The following PDE4D variants were observed in gnomAD, a reference collection of about 807,000 sequenced individuals.
The protein encoded by PDE4D is phosphodiesterase 4D, also known as 3',5'-cyclic-AMP phosphodiesterase 4D.
In PDE4D, 24 loss-of-function variants were observed where a neutral mutation model predicts 87.4. That is an observed-to-expected ratio of 0.27 (90% CI 0.20 to 0.39). The LOEUF (loss-of-function observed/expected upper bound fraction) is 0.39, where lower values mean the gene tolerates loss of function less well. Among genes scored for constraint, PDE4D ranks in the 10% least tolerant of loss-of-function variants. The pLI is 1.00. For synonymous variants in PDE4D, 384 were observed against 383.2 expected (o/e 1.00, Z -0.02); for missense variants, 714 against 1,041.0 (o/e 0.69, Z 4.32).
At position 59,702,246 on chromosome 5, in the gene PDE4D, C is replaced by A. The variant is rs1752681990; in HGVS notation, c.455+190922G>T. ...TCACGTCATTCTCCTGCCTCAGCCT[C>A]TCAAGCAGCTGGGACTACAGGTGCC... On this transcript the variant is annotated intron_variant, in intron 1 of 14. Coordinates refer to ENST00000340635, the MANE Select transcript of PDE4D (RefSeq NM_001104631.2). Among the ~76,000 whole-genome samples the A allele has an allele frequency of 2.0e-5, 3 of 152,114 alleles. No individual in the cohort carries two copies. In the South Asian group the frequency reaches 6.2e-4, roughly 32 times the overall value.
At chr5:59,320,889 A>G (rs1031123437) in intron 1 of PDE4D, among the ~76,000 whole-genome samples, 2 of 152,060 alleles carry the variant, frequency 1.3e-5, no homozygotes, top group African/African-American at 4.8e-5. Context: ...TATTTGTTGA[A>G]GCTTTTTGTT....
intron 1 of PDE4D, among the ~76,000 whole-genome samples, chr5:59,417,538 C>T (rs1459589261): frequency 1.4e-5 from 2 of 144,318 alleles, no homozygotes; most frequent in East Asian, 4.0e-4. Context: ...AAGCTGTTAC[C>T]TTTTTTTTTT....
At chr5:60,210,399 C>A (rs1743058961) in intron 1 of PDE4D, among the ~76,000 whole-genome samples, 1 of 151,802 alleles carries the variant, frequency 6.6e-6, no homozygotes, top group Non-Finnish European at 1.5e-5. Context: ...ATAAAGAAAG[C>A]AGCCTCATTA....
intron 1 of PDE4D, chr5:59,586,619 T>TTTAG (rs1825184529): frequency 8.1e-7 from 1 of 1,238,780 alleles, no homozygotes; most frequent in Non-Finnish European, 1.0e-6. Flanking sequence ...GGTCCATCCA[T>TTTAG]TTAGGTTCCA....
intron 1 of PDE4D, among the ~76,000 whole-genome samples, chr5:60,312,124 T>C (rs1241790480): frequency 6.6e-6 from 1 of 152,180 alleles, no homozygotes; most frequent in African/African-American, 2.4e-5. Flanking sequence ...ATTCACAGTA[T>C]CAGATGGATC....
In PDE4D at chr5:59,637,568, TA is replaced by T. The variant is rs1393028062; in HGVS notation, c.455+255599del. Among the ~76,000 whole-genome samples, 988 of 140,988 alleles carry T rather than the reference TA, an allele frequency of 7.0e-3. 6 individuals carry two copies. The highest frequency in any genetic ancestry group is 0.022 in the East Asian group (109 of 4,872). The allele number at this position is 140,988 out of a possible 152,430, so 92.5% of individuals were successfully genotyped here. On this transcript the variant is annotated intron_variant, in intron 1 of 14. Coordinates refer to ENST00000340635, the MANE Select transcript of PDE4D (RefSeq NM_001104631.2). ...TACACCATGGAATACTTTGCAGACA[TA>T]AAAAAAAAAAAATGAGTTCATGTCC...
At chr5:59,308,146 G>A (rs1771794858) in intron 1 of PDE4D, among the ~76,000 whole-genome samples, 1 of 150,648 alleles carries the variant, frequency 6.6e-6, no homozygotes, top group South Asian at 2.1e-4. Context: ...TCACTCATAG[G>A]TGGGAATTGA....
intron 1 of PDE4D, among the ~76,000 whole-genome samples, chr5:60,316,328 T>C (rs920080791): frequency 1.3e-5 from 2 of 152,226 alleles, no homozygotes; most frequent in African/African-American, 4.8e-5. Context: ...TTTTTGCACA[T>C]TGATTTTGTA....
chr5:59,887,736 TG>T lies in PDE4D; in HGVS notation c.455+5431del, dbSNP rs1217723771. Among the ~76,000 whole-genome samples, 34 of 152,052 alleles carry T rather than the reference TG, an allele frequency of 2.2e-4. No homozygotes were observed. The South Asian group carries it at 2.5e-3, about 11-fold the overall frequency. ...CAAGCCATCAGTGTGTGTGTGTGTG[TG>T]TTTGTGTGTGTGTGTGTGTGTAAAT... On this transcript the variant is annotated intron_variant, in intron 1 of 14. Transcript: ENST00000340635.
chr5:59,643,790 A>G (rs1425776005), intron 1 of PDE4D, among the ~76,000 whole-genome samples: 1 of 152,184 alleles, frequency 6.6e-6, no homozygotes, highest in Non-Finnish European at 1.5e-5. Context: ...TACTTTGAAA[A>G]ATATTGGAAG....
At chr5:59,740,750 G>A (rs1758720203) in intron 1 of PDE4D, among the ~76,000 whole-genome samples, 1 of 152,118 alleles carries the variant, frequency 6.6e-6, no homozygotes, top group African/African-American at 2.4e-5. Flanking sequence ...GAGGACTTTA[G>A]AGATCAACTA....
At chr5:59,647,089 T>C (rs1742591926) in intron 1 of PDE4D, among the ~76,000 whole-genome samples, 1 of 152,196 alleles carries the variant, frequency 6.6e-6, no homozygotes, top group Admixed American at 6.5e-5. Context: ...CTGTCATACT[T>C]GTTCAGCTCC....
intron 2 of PDE4D, among the ~76,000 whole-genome samples, chr5:60,079,344 C>A (rs1205877431): frequency 6.6e-6 from 1 of 151,930 alleles, no homozygotes; most frequent in South Asian, 2.1e-4. Flanking sequence ...ACTCTGATGA[C>A]AGCTTCTTTT....
intron 1 of PDE4D, among the ~76,000 whole-genome samples, chr5:59,603,732 A>AT (rs1464576945): frequency 6.6e-6 from 1 of 152,006 alleles, no homozygotes; most frequent in Non-Finnish European, 1.5e-5. Context: ...TAGAATGGTA[A>AT]TTACCAGGGG....
At chr5:59,679,608 T>C (rs1748677863) in intron 1 of PDE4D, among the ~76,000 whole-genome samples, 1 of 152,168 alleles carries the variant, frequency 6.6e-6, no homozygotes, top group Non-Finnish European at 1.5e-5. Context: ...TTAAGGTAAG[T>C]AATGTATGAG....
At chr5:60,289,620 C>T (rs531752974) in intron 1 of PDE4D, among the ~76,000 whole-genome samples, 15 of 152,232 alleles carry the variant, frequency 9.9e-5, no homozygotes, top group Admixed American at 8.5e-4. Flanking sequence ...ATAGAATCTC[C>T]GATTGGACCA....
chr5:59,327,972 T>A (rs1776019308), intron 1 of PDE4D, among the ~76,000 whole-genome samples: 1 of 152,294 alleles, frequency 6.6e-6, no homozygotes, highest in Middle Eastern at 3.4e-3. Flanking sequence ...AAGATACAAA[T>A]GTTCTATAAG....
intron 6 of PDE4D, among the ~76,000 whole-genome samples, chr5:59,020,699 G>T (rs1282574387): frequency 6.6e-6 from 1 of 151,424 alleles, no homozygotes; most frequent in Non-Finnish European, 1.5e-5. Context: ...AAAGGAAAGA[G>T]ACTTCTCTTA....
At chr5:60,418,747 T>C (rs1742839751) in intron 1 of PDE4D, among the ~76,000 whole-genome samples, 1 of 152,064 alleles carries the variant, frequency 6.6e-6, no homozygotes, top group South Asian at 2.1e-4. Context: ...CCAGTTACAC[T>C]CTCGGTTATT....
Sources: gnomAD v4.1 joint callset for allele counts (sites outside exome capture counted in the v4.1 genomes callset) on GRCh38, gnomAD v4.1.1 for gene constraint, MANE v1.5 for transcripts, NCBI Gene and HGNC (gene_info 2026-07-23, HGNC 2026-07-21) for gene names.